Variants in PCDHGA4 observed in about 807,000 individuals in gnomAD.
The protein encoded by PCDHGA4 is protocadherin gamma subfamily A, 4.
In PCDHGA4, 38 loss-of-function variants were observed where a neutral mutation model predicts 54.6. That is an observed-to-expected ratio of 0.70 (90% CI 0.54 to 0.91). The LOEUF is 0.91. Among genes scored for constraint, PCDHGA4 ranks in the 40% least tolerant of loss-of-function variants. PCDHGA4 has a pLI of 0.00. For missense variants in PCDHGA4, 1,298 were observed against 1,220.9 expected, an observed-to-expected ratio of 1.06 and a Z score of -0.94; for synonymous variants, 511 against 512.9, an observed-to-expected ratio of 1.00 and a Z score of 0.05.
intron 1 of PCDHGA4, chr5:141,414,747 C>T (rs556012378): frequency 6.2e-7 from 1 of 1,614,214 alleles, no homozygotes; most frequent in African/African-American, 1.3e-5. Flanking sequence ...TCAGATCCTT[C>T]GACTATGAGC....
At chr5:141,424,723 T>A (rs2096836963) in intron 1 of PCDHGA4, 2 of 152,144 alleles carry the variant, frequency 1.3e-5, no homozygotes, top group African/African-American at 4.8e-5. Context: ...TAGTTGGGAG[T>A]CATAGATTCC....
intron 1 of PCDHGA4, chr5:141,411,955 A>C (rs1427605209): frequency 6.6e-5 from 10 of 152,244 alleles, no homozygotes; most frequent in African/African-American, 1.2e-4. Context: ...TTTGAAGAAA[A>C]AAGATAAAAT....
intron 1 of PCDHGA4, among the ~76,000 whole-genome samples, chr5:141,459,098 A>G (rs993134478): frequency 2.0e-5 from 3 of 152,206 alleles, no homozygotes; most frequent in African/African-American, 7.2e-5. Flanking sequence ...ATACAGTGCA[A>G]TGCATTTTGA....
At chr5:141,421,846 G>A (rs1187020807) in intron 1 of PCDHGA4, 2 of 1,613,642 alleles carry the variant, frequency 1.2e-6, no homozygotes, top group East Asian at 4.5e-5. Context: ...AGAGAAAGAG[G>A]CTGCTCACCT....
chr5:141,393,492 C>T (rs778632774), intron 1 of PCDHGA4: 11 of 1,613,922 alleles, frequency 6.8e-6, no homozygotes, highest in African/African-American at 1.3e-5. Flanking sequence ...TAGCACAGTG[C>T]GCATCCACGT....
At chr5:141,366,814 C>G (rs1764814519) in intron 1 of PCDHGA4, 6 of 1,549,164 alleles carry the variant, frequency 3.9e-6, no homozygotes, top group African/African-American at 2.7e-5. Context: ...TTTCATGTTT[C>G]TGTCATATTC....
intron 1 of PCDHGA4, chr5:141,364,730 C>A: frequency 1.9e-6 from 3 of 1,613,838 alleles, no homozygotes; most frequent in South Asian, 1.1e-5. Flanking sequence ...CCCGCGTTTC[C>A]GGGATGAAGA....
rs1310227506 is a variant in PCDHGA4, at chr5:141,432,214, CCAGATCACTTATTCCCTGG to C, written c.2515-62591_2515-62573del. ...ACGACCCCGACTGTGAAGAGAACGC[CCAGATCACTTATTCCCTGG>C]CTGAGAACACCATCCAAGGGGCAAG... is the stretch of plus-strand genomic sequence containing the variant. On this transcript the variant is annotated intron_variant, in intron 1 of 3. Transcript: ENST00000571252. This position sits in a 1 kb window ranked among gnomAD's most constrained non-coding sequence, Gnocchi z 6.0. 3.1e-6 allele frequency: 5 copies of C among 1,614,236 alleles called. No homozygotes were observed. The highest frequency in any genetic ancestry group is 4.2e-6 in the Non-Finnish European group (5 of 1,180,050).
intron 1 of PCDHGA4, chr5:141,415,512 T>G (rs997659180): frequency 3.1e-6 from 5 of 1,614,234 alleles, no homozygotes; most frequent in Non-Finnish European, 4.2e-6. Context: ...AGCCCAATTA[T>G]GCGGACACGC....
intron 3 of PCDHGA4, chr5:141,507,424 G>C (rs577364087): frequency 6.6e-6 from 1 of 152,202 alleles, no homozygotes; most frequent in African/African-American, 2.4e-5. Context: ...GGTTAAGTGG[G>C]GCCAGGCCTA....
intron 2 of PCDHGA4, among the ~76,000 whole-genome samples, chr5:141,496,744 T>C (rs1383447795): frequency 6.6e-6 from 1 of 152,170 alleles, no homozygotes; most frequent in Non-Finnish European, 1.5e-5. Context: ...GTTCATTTAT[T>C]CAACAAATAT....
chr5:141,364,658 G>A, intron 1 of PCDHGA4: 1 of 1,614,020 alleles, frequency 6.2e-7, no homozygotes, highest in South Asian at 1.1e-5. Context: ...TAACATCTTG[G>A]TTGAGAACAA....
intron 1 of PCDHGA4, chr5:141,416,540 G>T (rs1439132249): frequency 6.6e-6 from 1 of 151,974 alleles, no homozygotes; most frequent in Non-Finnish European, 1.5e-5. Flanking sequence ...GTATAAGGAG[G>T]CAAACACCTG....
Position 141,476,854 on chromosome 5 carries a change from G to A in PCDHGA4, c.2515-17953G>A. The A allele has an allele frequency of 6.2e-7, 1 of 1,613,860 alleles. No individual in the cohort carries two copies. The highest frequency in any genetic ancestry group is 1.1e-5 in the South Asian group (1 of 91,088). ...ATGACAATGCGCCTGTCTTCAACCA[G>A]TCCTTGTACCGGGCGCGCGTCCTGG... On this transcript the variant is annotated intron_variant, in intron 1 of 3. Transcript: ENST00000571252. This position sits in a 1 kb window ranked among gnomAD's most constrained non-coding sequence, Gnocchi z 7.6.
In PCDHGA4 at chr5:141,493,211, G is replaced by C. The variant is rs1312763933; in HGVS notation, c.2515-1596G>C. Reference sequence around the variant, plus strand: ...CTCCTTTGAGAACCTCATCTCATTTGCTCTTCCCACCATTGCTGTTGGCTA... The same window carrying C: ...CTCCTTTGAGAACCTCATCTCATTTCCTCTTCCCACCATTGCTGTTGGCTA... On this transcript the variant is annotated intron_variant, in intron 1 of 3. Transcript: ENST00000571252. The surrounding 1 kb of genome is among the most constrained non-coding windows in gnomAD (Gnocchi z 4.3). 6.6e-6 allele frequency among the ~76,000 whole-genome samples: 1 copy of C among 152,180 alleles called. No individual in the cohort carries two copies. The highest frequency in any genetic ancestry group is 2.4e-5 in the African/African-American group (1 of 41,436).
rs761843990 is a variant in PCDHGA4, at chr5:141,356,810, G to A, written c.1703G>A (p.Ser568Asn). The stretch of plus-strand genomic sequence containing the variant: ...CAGCTGCTGATGACAGCCAGTGACA[G>A]TGGAGACCCTCCACTCAGCAGCAAT... ...DLQLLMTASD[S>N]GDPPLSSNVS... Residue 568 changes from serine (S) to asparagine (N), a missense_variant, in exon 1 of 4, where the codon AGT (serine) becomes AAT (asparagine). Ser to Asn is a conservative substitution (Grantham distance 46). Coordinates refer to ENST00000571252, the MANE Select transcript of PCDHGA4 (RefSeq NM_018917.4). 5.0e-6 allele frequency: 8 copies of A among 1,614,074 alleles called. No individual in the cohort carries two copies. The East Asian group carries it at 1.8e-4, about 36-fold the overall frequency.
intron 1 of PCDHGA4, among the ~76,000 whole-genome samples, chr5:141,458,695 G>A (rs551105765): frequency 2.0e-5 from 3 of 151,852 alleles, no homozygotes; most frequent in Non-Finnish European, 2.9e-5. Context: ...TCAGCCTCCC[G>A]AGTAGCTGGG....
At chr5:141,368,270 A>G (rs963622826) in intron 1 of PCDHGA4, among the ~76,000 whole-genome samples, 1 of 152,184 alleles carries the variant, frequency 6.6e-6, no homozygotes, top group Non-Finnish European at 1.5e-5. Flanking sequence ...ACATTAAAGA[A>G]CCTAAGACCA....
At chr5:141,363,012 T>C (rs1296290865) in intron 1 of PCDHGA4, among the ~76,000 whole-genome samples, 2 of 152,230 alleles carry the variant, frequency 1.3e-5, no homozygotes, top group Non-Finnish European at 2.9e-5. Context: ...TCACAGGGCA[T>C]GGGTAGGACA....
Sources: allele counts gnomAD v4.1 joint callset (sites outside exome capture counted in the v4.1 genomes callset), GRCh38; gene constraint gnomAD v4.1.1; non-coding constraint Gnocchi (gnomAD v3.1); transcripts MANE v1.5; gene names NCBI Gene and HGNC (gene_info 2026-07-23, HGNC 2026-07-21).